LRGUK: variants seen among roughly 807,000 people sequenced by gnomAD.
LRGUK encodes the protein leucine rich repeats and guanylate kinase domain containing, also known as leucine-rich repeat and guanylate kinase domain-containing protein.
LRGUK carries 65 observed loss-of-function variants against 76.0 expected under a neutral mutation model. The ratio of observed to expected loss-of-function variants is 0.85; its 90% confidence interval spans 0.70 to 1.05. LRGUK has a LOEUF of 1.05. Among genes scored for constraint, LRGUK ranks in the 50% least tolerant of loss-of-function variants. The pLI, the probability that LRGUK is intolerant of heterozygous loss-of-function variation, is 0.00. For synonymous variants in LRGUK, 268 were observed against 265.6 expected, an observed-to-expected ratio of 1.01 and a Z score of -0.09; for missense variants, 758 against 732.8, an observed-to-expected ratio of 1.03 and a Z score of -0.40.
At chr7:134,224,306 T>C (rs1490873350) in intron 16 of LRGUK, among the ~76,000 whole-genome samples, 1 of 152,350 alleles carries the variant, frequency 6.6e-6, no homozygotes. Flanking sequence ...GATGCACAGC[T>C]GGATTCACAC....
the LRGUK span, among the ~76,000 whole-genome samples, chr7:134,274,615 A>AAAT: frequency 2.0e-5 from 3 of 152,136 alleles, no homozygotes; most frequent in African/African-American, 7.2e-5. Flanking sequence ...CTTATATATC[A>AAAT]AATAGTTTTT....
At chr7:134,195,063 CAG>C (rs1452778841) in intron 12 of LRGUK, among the ~76,000 whole-genome samples, 1 of 152,040 alleles carries the variant, frequency 6.6e-6, no homozygotes. Flanking sequence ...GATGAAATCA[CAG>C]AGAGTCAAGC....
intron 18 of LRGUK, among the ~76,000 whole-genome samples, chr7:134,257,220 G>A (rs1252960633): frequency 6.6e-6 from 1 of 152,196 alleles, no homozygotes; most frequent in East Asian, 1.9e-4. Flanking sequence ...TAAAAGGCAA[G>A]ATTTATCCAA....
chr7:134,167,349 A>C (rs978043225), intron 7 of LRGUK, among the ~76,000 whole-genome samples: 1 of 152,148 alleles, frequency 6.6e-6, no homozygotes, highest in African/African-American at 2.4e-5. Flanking sequence ...GACCAAGGTG[A>C]ATGTGACTTT....
chr7:134,135,020 A>G (rs1469596490), intron 1 of LRGUK, among the ~76,000 whole-genome samples: 1 of 152,194 alleles, frequency 6.6e-6, no homozygotes, highest in Non-Finnish European at 1.5e-5. Flanking sequence ...AAATAAACAG[A>G]CAACAGGTGG....
At chr7:134,127,438 G>T in exon 1 of LRGUK, 1 of 1,613,978 alleles carries the variant, frequency 6.2e-7, no homozygotes, top group Non-Finnish European at 8.5e-7. Flanking sequence ...GGCAGATCCC[G>T]AACTGGAGCC....
At chr7:134,276,480 G>A in the LRGUK span, among the ~76,000 whole-genome samples, 5 of 152,134 alleles carry the variant, frequency 3.3e-5, no homozygotes, top group Non-Finnish European at 7.4e-5. Flanking sequence ...CAGAAAGGTG[G>A]GGGACAGGGT....
intron 6 of LRGUK, among the ~76,000 whole-genome samples, chr7:134,159,361 A>G (rs982923034): frequency 2.0e-5 from 3 of 151,850 alleles, no homozygotes; most frequent in African/African-American, 4.8e-5. Flanking sequence ...AAAAGGAAAG[A>G]AATGACATCT....
intron 16 of LRGUK, among the ~76,000 whole-genome samples, chr7:134,245,596 T>C (rs1413642681): frequency 6.6e-6 from 1 of 152,198 alleles, no homozygotes; most frequent in Non-Finnish European, 1.5e-5. Context: ...GTTGCTATGT[T>C]TATTTTTATG....
intron 11 of LRGUK, 79 bp downstream of exon 11, chr7:134,183,932 C>G: frequency 6.6e-7 from 1 of 1,514,748 alleles, no homozygotes; most frequent in Non-Finnish European, 9.0e-7. Context: ...AGTAAAATCT[C>G]CGATATTGCT....
downstream of LRGUK, among the ~76,000 whole-genome samples, chr7:134,268,773 A>G (rs1250819812): frequency 1.8e-5 from 2 of 110,420 alleles, no homozygotes; most frequent in African/African-American, 7.1e-5. Context: ...TCTGTTGCCC[A>G]GGCTGGAGTG....
At chr7:134,147,134 C>T (rs375992772) in intron 4 of LRGUK, among the ~76,000 whole-genome samples, 243 of 152,044 alleles carry the variant, frequency 1.6e-3, no homozygotes, top group Middle Eastern at 0.01. Context: ...AAGACTAGGC[C>T]GGGCGCAGTG....
the LRGUK span, among the ~76,000 whole-genome samples, chr7:134,275,270 G>T: frequency 6.6e-6 from 1 of 151,776 alleles, no homozygotes; most frequent in Non-Finnish European, 1.5e-5. Flanking sequence ...TTATGTTACT[G>T]CAATTCTCTC....
intron 16 of LRGUK, among the ~76,000 whole-genome samples, chr7:134,222,388 A>C (rs1801623188): frequency 6.6e-6 from 1 of 152,228 alleles, no homozygotes; most frequent in South Asian, 2.1e-4. Flanking sequence ...GTTTTGAGAA[A>C]GCAGCATGCA....
At chr7:134,169,232 G>C (rs1031814911) in intron 7 of LRGUK, among the ~76,000 whole-genome samples, 1 of 151,632 alleles carries the variant, frequency 6.6e-6, no homozygotes, top group Non-Finnish European at 1.5e-5. Flanking sequence ...AGATGGGGCA[G>C]AGATTAGAGT....
At chr7:134,223,688 T>G (rs1801660283) in intron 16 of LRGUK, among the ~76,000 whole-genome samples, 2 of 152,206 alleles carry the variant, frequency 1.3e-5, no homozygotes, top group African/African-American at 4.8e-5. Context: ...ATGGTTGACA[T>G]GGAGATGCTT....
intron 7 of LRGUK, 148 bp from the exon 8 acceptor site, chr7:134,174,408 G>A (rs1799396220): frequency 3.3e-6 from 2 of 602,812 alleles, no homozygotes; most frequent in African/African-American, 3.7e-5. Flanking sequence ...GTTCTGTGAA[G>A]TTCTGTGGAA....
At chr7:134,172,936 A>G (rs145420484) in intron 7 of LRGUK, among the ~76,000 whole-genome samples, 1,768 of 152,234 alleles carry the variant, frequency 0.012, 23 homozygotes, top group African/African-American at 0.035. Flanking sequence ...GCAGTGAGCC[A>G]TGATCATACT....
intron 6 of LRGUK, among the ~76,000 whole-genome samples, chr7:134,161,307 T>C (rs1179466008): frequency 6.6e-6 from 1 of 152,148 alleles, no homozygotes; most frequent in Non-Finnish European, 1.5e-5. Context: ...TGACATTAAG[T>C]TTGGTGTAGT....
Sources: allele counts gnomAD v4.1 joint callset (sites outside exome capture counted in the v4.1 genomes callset), GRCh38; gene constraint gnomAD v4.1.1; transcripts MANE v1.5; gene names NCBI Gene and HGNC (gene_info 2026-07-23, HGNC 2026-07-21).